Variants in FOXP4 observed in about 807,000 individuals in gnomAD.
FOXP4 encodes forkhead box protein P4.
In FOXP4, 25 loss-of-function variants were observed where a neutral mutation model predicts 82.6. The ratio of observed to expected loss-of-function variants is 0.30; its 90% CI spans 0.22 to 0.42. The LOEUF is 0.42. Among genes scored for constraint, FOXP4 ranks in the 10% least tolerant of loss-of-function variants. The pLI is 1.00. For missense variants in FOXP4, 785 were observed against 900.9 expected, an observed-to-expected ratio of 0.87 and a Z score of 1.65; for synonymous variants, 415 against 388.2, an observed-to-expected ratio of 1.07 and a Z score of -0.81.
At chr6:41,587,568 C>T in intron 7 of FOXP4, 56 bp downstream of exon 7, 2 of 1,386,624 alleles carry the variant, frequency 1.4e-6, no homozygotes, top group Non-Finnish European at 2.0e-6. Context: ...GTAGACCTGG[C>T]CCCCCACCCA....
rs1766485715 is a variant in FOXP4, at chr6:41,591,052, G to A, written c.1435-169G>A. ...GCTATAACCAGCCTGTCCCTCTGAG[G>A]GGACCCACCAGCCACCACCCATCTT... On this transcript the variant is annotated intron_variant, in intron 12 of 16. Transcript: ENST00000307972. The surrounding 1 kb of genome is among the most constrained non-coding windows in gnomAD (Gnocchi z 4.2). Among the ~76,000 whole-genome samples, 1 of 152,146 alleles carries A rather than the reference G, an allele frequency of 6.6e-6. No individual in the cohort carries two copies. Among genetic ancestry groups the A allele is most frequent in the African/African-American group, 2.4e-5 (1 of 41,402 alleles).
chr6:41,599,424 ACT>A lies in FOXP4; in HGVS notation c.*492_*493del, dbSNP rs1767087040. 1 of 153,308 alleles carries A rather than the reference ACT, an allele frequency of 6.5e-6. No individual in the cohort carries two copies. The highest frequency in any genetic ancestry group is 1.5e-5 in the Non-Finnish European group (1 of 68,924). 9.5% of individuals were successfully genotyped at this position (153,308 alleles called of 1,614,324 possible). A position where few individuals can be genotyped will look rare whatever the true frequency, so the allele number is the denominator to read the frequency against. On this transcript the variant is annotated 3_prime_UTR_variant, in exon 17 of 17. Coordinates refer to ENST00000307972, the MANE Select transcript of FOXP4 (RefSeq NM_001012426.2). ...TTCTTTTCCGTACTGTGAAGAAAGA[ACT>A]CTCCACCCCAGCTCCCACCCTGCCC...
At chr6:41,584,430 A>G (rs1394989189) in intron 3 of FOXP4, among the ~76,000 whole-genome samples, 1 of 152,230 alleles carries the variant, frequency 6.6e-6, no homozygotes, top group Non-Finnish European at 1.5e-5. Context: ...CTACAGCCTA[A>G]TCTTCCTGCT....
intron 2 of FOXP4, among the ~76,000 whole-genome samples, chr6:41,569,196 A>T (rs1741147595): frequency 6.6e-6 from 1 of 152,202 alleles, no homozygotes; most frequent in Admixed American, 6.5e-5. Flanking sequence ...AGGTGCAGGA[A>T]GTACAGTAGG....
intron 8 of FOXP4, 129 bp downstream of exon 8, chr6:41,588,026 G>A (rs935651971): frequency 2.1e-5 from 13 of 609,612 alleles, no homozygotes; most frequent in Non-Finnish European, 2.4e-5. Flanking sequence ...ACTCCAGAGG[G>A]TTCTAGTTCT....
intron 3 of FOXP4, among the ~76,000 whole-genome samples, chr6:41,582,134 G>T (rs1765835703): frequency 1.3e-5 from 2 of 152,234 alleles, no homozygotes; most frequent in Admixed American, 1.3e-4. Flanking sequence ...TTTAAAAAGT[G>T]ATTTTCTTCA....
intron 2 of FOXP4, among the ~76,000 whole-genome samples, chr6:41,570,009 A>T (rs181705050): frequency 2.0e-5 from 3 of 151,784 alleles, no homozygotes. Context: ...CCTCTGCCCA[A>T]GCTACTTAGA....
At position 41,581,465 on chromosome 6, in the gene FOXP4, G is replaced by T. The variant is rs186228472; in HGVS notation, c.301-3304G>T. The stretch of plus-strand genomic sequence containing the variant: ...CGGCGTTTGGCCCAGGGCTCACACT[G>T]CCAGGGCTTAAGTTAGCACTTAGCT... On this transcript the variant is annotated intron_variant, in intron 3 of 16. Transcript: ENST00000307972. Among the ~76,000 whole-genome samples the T allele has an allele frequency of 2.0e-5, 3 of 152,360 alleles. No homozygotes were observed. In the East Asian group the frequency reaches 5.8e-4, roughly 29 times the overall value.
chr6:41,573,235 C>T (rs1403675236), intron 2 of FOXP4, among the ~76,000 whole-genome samples: 1 of 152,136 alleles, frequency 6.6e-6, no homozygotes, highest in African/African-American at 2.4e-5. Flanking sequence ...AGAATGACCC[C>T]TCTCCCACCC....
At chr6:41,587,639 C>G (rs2127393228) in intron 7 of FOXP4, 127 bp downstream of exon 7, 1 of 890,748 alleles carries the variant, frequency 1.1e-6, no homozygotes, top group East Asian at 3.0e-5. Context: ...TCCCTCTCCA[C>G]TCCCTCTCCC....
chr6:41,570,116 A>ACACACACACACACACACG, intron 2 of FOXP4: 1 of 347,468 alleles, frequency 2.9e-6, no homozygotes, highest in Non-Finnish European at 5.7e-6. Context: ...ACACACACAC[A>ACACACACACACACACACG]CGCAGTCAAC....
Position 41,597,771 on chromosome 6 carries a change from G to A in FOXP4, c.1726-10G>A. The stretch of plus-strand genomic sequence containing the variant: ...AGCCACTGACGAGGCCCAACCCTGT[G>A]CCCCTGCAGGCCGCCCTGGCCGAGA... On this transcript the variant is annotated splice_polypyrimidine_tract_variant and intron_variant, in intron 15 of 16. Coordinates refer to ENST00000307972, the MANE Select transcript of FOXP4 (RefSeq NM_001012426.2). 1 of 1,604,080 alleles carries A rather than the reference G, an allele frequency of 6.2e-7. No individual in the cohort carries two copies. The highest frequency in any genetic ancestry group is 8.5e-7 in the Non-Finnish European group (1 of 1,178,468).
At chr6:41,590,832 CT>C (rs1299026012) in intron 12 of FOXP4, among the ~76,000 whole-genome samples, 1 of 152,202 alleles carries the variant, frequency 6.6e-6, no homozygotes, top group Non-Finnish European at 1.5e-5. Flanking sequence ...CTTAGGGTAC[CT>C]TTTGCCAAAA....
chr6:41,569,616 T>A (rs971315870), intron 2 of FOXP4, among the ~76,000 whole-genome samples: 1 of 152,068 alleles, frequency 6.6e-6, no homozygotes, highest in Non-Finnish European at 1.5e-5. Flanking sequence ...GCTGGCCAAG[T>A]TGGGGCCAGG....
Position 41,590,306 on chromosome 6 carries a change from G to A in FOXP4, c.1393G>A (p.Asp465Asn). Residue 465 changes from aspartate to asparagine, a missense_variant, in exon 12 of 17, where the codon GAC becomes AAC. By Grantham distance (23) the Asp-to-Asn change is conservative. Transcript: ENST00000307972. ...GAATCATGAGTTCTACAAGAACGCC[G>A]ACGTCCGGCCCCCCTTCACCTACGC... ...AQNHEFYKNADVRPPFTYASL... is the reference protein window; with the variant it reads ...AQNHEFYKNANVRPPFTYASL... 6.2e-7 allele frequency: 1 copy of A among 1,613,970 alleles called. No individual in the cohort carries two copies. The highest frequency in any genetic ancestry group is 8.5e-7 in the Non-Finnish European group (1 of 1,179,982).
Position 41,591,181 on chromosome 6 carries a change from G to A in FOXP4, c.1435-40G>A, listed in dbSNP as rs541479245. ...GAACCCAGGGCTGTGACCCTTCGAGGCCCAGGCTGACGGTCCCTTTGCTTG... is the reference window on the plus strand; with the variant it reads ...GAACCCAGGGCTGTGACCCTTCGAGACCCAGGCTGACGGTCCCTTTGCTTG... On this transcript the variant is annotated intron_variant, in intron 12 of 16. Transcript: ENST00000307972. This position sits in a 1 kb window ranked among gnomAD's most constrained non-coding sequence, Gnocchi z 4.2. The A allele has an allele frequency of 1.9e-6, 3 of 1,549,996 alleles. No individual in the cohort carries two copies. The highest frequency in any genetic ancestry group is 1.2e-5 in the South Asian group (1 of 85,610).
At chr6:41,552,683 A>G (rs1327694728) in intron 1 of FOXP4, among the ~76,000 whole-genome samples, 1 of 152,162 alleles carries the variant, frequency 6.6e-6, no homozygotes, top group Non-Finnish European at 1.5e-5. Flanking sequence ...CCAGACGCAG[A>G]GAAAAGAACT....
intron 4 of FOXP4, 115 bp from the exon 5 acceptor site, chr6:41,585,316 A>C: frequency 9.2e-7 from 1 of 1,082,242 alleles, no homozygotes; most frequent in South Asian, 1.6e-5. Flanking sequence ...GGGGAAAGCC[A>C]GACCATGTTT....
In FOXP4 at chr6:41,587,045, C is replaced by T; in HGVS notation, c.547C>T (p.Leu183Phe). 6.2e-7 allele frequency: 1 copy of T among 1,601,872 alleles called. No homozygotes were observed. Among genetic ancestry groups the T allele is most frequent in the Non-Finnish European group, 8.5e-7 (1 of 1,171,092 alleles). Residue 183 changes from leucine to phenylalanine, a missense_variant, in exon 6 of 17, where the codon CTC (leucine) becomes TTC (phenylalanine). Physicochemically the swap from Leu to Phe is conservative, Grantham distance 22. This residue lies in a region of FOXP4 where 570 missense variants were observed against 634.0 expected (regional missense o/e 0.90). Transcript: ENST00000307972. ...GNKQLAFQQQ[L>F]LQMQQLQQQH... ...CAAGCAGCTGGCCTTCCAGCAGCAG[C>T]TCCTGCAAATGCAACAGTTGCAGCA...
Sources: allele counts gnomAD v4.1 joint callset (sites outside exome capture counted in the v4.1 genomes callset), GRCh38; gene constraint gnomAD v4.1.1; regional missense constraint gnomAD v4.1.1; non-coding constraint Gnocchi (gnomAD v3.1); transcripts MANE v1.5; gene names NCBI Gene and HGNC (gene_info 2026-07-23, HGNC 2026-07-21).